The following GLRA2 variants were observed in gnomAD, a reference collection of about 807,000 sequenced individuals.
GLRA2 encodes the protein glycine receptor subunit alpha-2.
Under a neutral mutation model 31.6 loss-of-function variants are expected in GLRA2, and 11 were observed. The observed-to-expected ratio is 0.35, with a 90% CI of 0.22 to 0.58. The LOEUF is 0.58. Among genes scored for constraint, GLRA2 ranks in the 20% least tolerant of loss-of-function variants. The pLI is 0.84. For missense variants in GLRA2, 212 were observed against 351.8 expected (o/e 0.60, Z 3.18); for synonymous variants, 132 against 134.0 (o/e 0.99, Z 0.10).
chrX:14,585,138 A>T (rs190236448), intron 4 of GLRA2, among the ~76,000 whole-genome samples: 54 of 111,567 alleles, frequency 4.8e-4, no homozygotes, highest in African/African-American at 1.7e-3. Flanking sequence ...CTGAAATCAA[A>T]ATAAAAAACC....
intron 7 of GLRA2, among the ~76,000 whole-genome samples, chrX:14,654,852 A>G (rs767130420): frequency 9.8e-5 from 11 of 111,858 alleles, no homozygotes; most frequent in Non-Finnish European, 2.1e-4. Context: ...GTAGTAGGTG[A>G]AAGGCACATC....
intron 7 of GLRA2, among the ~76,000 whole-genome samples, chrX:14,646,105 G>A (rs112171112): frequency 2.0e-4 from 22 of 112,004 alleles, no homozygotes; most frequent in African/African-American, 7.1e-4. Context: ...TTCTAAAAAC[G>A]ATTTCTACAT....
rs772644342 is a variant in GLRA2, at chrX:14,533,219, T to C, written c.202+847T>C. 1.8e-4 allele frequency among the ~76,000 whole-genome samples: 20 copies of C among 110,544 alleles called. No individual in the cohort carries two copies. The South Asian group carries it at 4.9e-3, about 27-fold the overall frequency. Reference sequence around the variant, plus strand: ...TTAACATAATGCATTGTGAAGTGTTTATAACATTTTATAAAAGGAGAAACC... The same window carrying C: ...TTAACATAATGCATTGTGAAGTGTTCATAACATTTTATAAAAGGAGAAACC... On this transcript the variant is annotated intron_variant, in intron 2 of 8. Coordinates refer to ENST00000218075, the MANE Select transcript of GLRA2 (RefSeq NM_002063.4).
intron 2 of GLRA2, among the ~76,000 whole-genome samples, chrX:14,540,918 G>A (rs1380019453): frequency 9.2e-6 from 1 of 108,483 alleles, no homozygotes; most frequent in Non-Finnish European, 1.9e-5. Context: ...AATAAAGGGA[G>A]AGAGACAGGA....
chrX:14,500,587 A>G, the GLRA2 span, among the ~76,000 whole-genome samples: 1 of 112,215 alleles, frequency 8.9e-6, no homozygotes, highest in Non-Finnish European at 1.9e-5. Flanking sequence ...AGGGAATCCA[A>G]GATGGTGGGG....
intron 1 of GLRA2, chrX:14,530,887 C>T: frequency 1.4e-6 from 1 of 717,659 alleles, no homozygotes; most frequent in Non-Finnish European, 1.7e-6. Context: ...GAGTGGAAGA[C>T]TGAGCAGAGA....
chrX:14,466,972 A>G, the GLRA2 span, among the ~76,000 whole-genome samples: 8 of 111,722 alleles, frequency 7.2e-5, no homozygotes, highest in Admixed American at 3.8e-4. Context: ...CACACCCCTC[A>G]ATAGCTCTGG....
chrX:14,585,346 T>C (rs1420885999), intron 4 of GLRA2, among the ~76,000 whole-genome samples: 2 of 111,518 alleles, frequency 1.8e-5, no homozygotes, highest in Admixed American at 1.9e-4. Flanking sequence ...GGATGCATGA[T>C]AAATTAAGTA....
intron 2 of GLRA2, among the ~76,000 whole-genome samples, chrX:14,565,173 T>C (rs2089786555): frequency 8.9e-6 from 1 of 112,021 alleles, no homozygotes; most frequent in Non-Finnish European, 1.9e-5. Flanking sequence ...AAAAGACATA[T>C]ACTGGCAGAA....
chrX:14,449,473 AC>A, the GLRA2 span, among the ~76,000 whole-genome samples: 1 of 112,585 alleles, frequency 8.9e-6, no homozygotes, highest in Non-Finnish European at 1.9e-5. Context: ...AGCCATAGGC[AC>A]CCATCCCCCA....
chrX:14,598,805 G>A (rs1157586680), intron 4 of GLRA2, among the ~76,000 whole-genome samples: 1 of 112,293 alleles, frequency 8.9e-6, no homozygotes, highest in Non-Finnish European at 1.9e-5. Context: ...TCTGGTCTAA[G>A]CAGAGACAGG....
chrX:14,472,099 G>A, the GLRA2 span, among the ~76,000 whole-genome samples: 2 of 111,990 alleles, frequency 1.8e-5, no homozygotes, highest in African/African-American at 6.5e-5. Flanking sequence ...CTCACCTAAC[G>A]TAAATTTTTT....
chrX:14,485,653 A>G, the GLRA2 span, among the ~76,000 whole-genome samples: 5 of 111,446 alleles, frequency 4.5e-5, no homozygotes, highest in East Asian at 2.8e-4. Flanking sequence ...GATCAATTTT[A>G]TCTTTATAAT....
At chrX:14,487,091 A>C in the GLRA2 span, among the ~76,000 whole-genome samples, 1 of 110,437 alleles carries the variant, frequency 9.1e-6, no homozygotes, top group East Asian at 2.8e-4. Context: ...TTATATACTA[A>C]TTTATGCCTA....
chrX:14,624,403 G>A (rs1601777002), intron 7 of GLRA2, among the ~76,000 whole-genome samples: 1 of 111,179 alleles, frequency 9.0e-6, no homozygotes, highest in Non-Finnish European at 1.9e-5. Context: ...GCTTTTGAAT[G>A]TGTTTGCTCT....
At chrX:14,659,379 T>C (rs1239640721) in intron 7 of GLRA2, among the ~76,000 whole-genome samples, 2 of 112,368 alleles carry the variant, frequency 1.8e-5, no homozygotes, top group East Asian at 5.6e-4. Context: ...ATTTATGACA[T>C]TTACCATACT....
At chrX:14,486,475 G>A in the GLRA2 span, among the ~76,000 whole-genome samples, 3 of 111,438 alleles carry the variant, frequency 2.7e-5, no homozygotes, top group Non-Finnish European at 5.7e-5. Flanking sequence ...GATATTTGCA[G>A]TACACACAAC....
chrX:14,557,725 T>C (rs768223188), intron 2 of GLRA2, among the ~76,000 whole-genome samples: 5 of 110,655 alleles, frequency 4.5e-5, no homozygotes, highest in African/African-American at 1.6e-4. Context: ...CAACAGGGGG[T>C]GTGGGAGAAG....
At chrX:14,702,249 G>A (rs1275558476) in intron 8 of GLRA2, among the ~76,000 whole-genome samples, 1 of 111,736 alleles carries the variant, frequency 8.9e-6, no homozygotes, top group Non-Finnish European at 1.9e-5. Context: ...CCACCAAAAG[G>A]CTTTATAAAT....
Sources: allele counts gnomAD v4.1 joint callset (sites outside exome capture counted in the v4.1 genomes callset), GRCh38; gene constraint gnomAD v4.1.1; transcripts MANE v1.5; gene names NCBI Gene and HGNC (gene_info 2026-07-23, HGNC 2026-07-21).